Variants in MGST1 observed in about 807,000 individuals in gnomAD.
MGST1 encodes glutathione S-transferase 12.
Under a neutral mutation model 8.9 loss-of-function variants are expected in MGST1, and 5 were observed. That is an observed-to-expected ratio of 0.56 (90% CI 0.29 to 1.19). The LOEUF (loss-of-function observed/expected upper bound fraction) is 1.19, where lower values mean the gene tolerates loss of function less well. MGST1 is among the 50% of genes most tolerant of loss of function. The pLI, the probability that MGST1 is intolerant of heterozygous loss-of-function variation, is 0.08. For synonymous variants in MGST1, 54 were observed against 67.8 expected (o/e 0.80, Z 1.00); for missense variants, 182 against 187.4 (o/e 0.97, Z 0.17).
chr12:16,506,330 A>G (rs2137173778), intron 4 of MGST1, among the ~76,000 whole-genome samples: 1 of 152,278 alleles, frequency 6.6e-6, no homozygotes, highest in Middle Eastern at 3.4e-3. Flanking sequence ...GGACCTGAAT[A>G]TTTTATAATG....
chr12:16,405,936 A>G (rs770564963), intron 1 of MGST1, among the ~76,000 whole-genome samples: 6 of 152,234 alleles, frequency 3.9e-5, no homozygotes, highest in East Asian at 1.9e-4. Context: ...ATCTATGACA[A>G]ACTCACAGCC....
intron 4 of MGST1, among the ~76,000 whole-genome samples, chr12:16,515,638 A>G (rs1941608202): frequency 6.6e-6 from 1 of 151,568 alleles, no homozygotes. Flanking sequence ...CTCAGAAAAA[A>G]AAAAAAAAGA....
intron 1 of MGST1, among the ~76,000 whole-genome samples, chr12:16,431,831 C>A (rs987564553): frequency 2.0e-5 from 3 of 151,954 alleles, no homozygotes; most frequent in African/African-American, 4.8e-5. Context: ...ACAGCAACAA[C>A]AACAAACAAC....
downstream of MGST1, among the ~76,000 whole-genome samples, chr12:16,439,630 T>C (rs1565455111): frequency 6.6e-6 from 1 of 151,832 alleles, no homozygotes; most frequent in East Asian, 1.9e-4. Flanking sequence ...GGTGGAGGGG[T>C]AGAAGGTGCA....
chr12:16,560,306 C>G lies in MGST1; in HGVS notation n.483-29222C>G. 1 of 1,259,532 alleles carries G rather than the reference C, an allele frequency of 7.9e-7. No individual in the cohort carries two copies. Among genetic ancestry groups the G allele is most frequent in the Non-Finnish European group, 1.1e-6 (1 of 919,216 alleles). The allele number at this position is 1,259,532 out of a possible 1,614,324, so 78.0% of individuals were successfully genotyped here. ...TTAAAGTTTACAGAACAGAAAAACG[C>G]TGAGATTGATTGCTTTAAATGTATG... is the stretch of plus-strand genomic sequence containing the variant. On this transcript the variant is annotated intron_variant and non_coding_transcript_variant, in intron 4 of 4. Transcript: ENST00000538857. This position sits in a 1 kb window ranked among gnomAD's most constrained non-coding sequence, Gnocchi z 5.0.
Position 16,506,890 on chromosome 12 carries a change from T to G in MGST1, n.483-82638T>G, listed in dbSNP as rs552076731. 6.6e-5 allele frequency among the ~76,000 whole-genome samples: 10 copies of G among 152,346 alleles called. No individual in the cohort carries two copies. The East Asian group carries it at 1.7e-3, about 26-fold the overall frequency. ...ACAAATATGTTTTGAACAGTTACTG[T>G]TTGTCGGACAGGGTACAAACAAGAT... On this transcript the variant is annotated intron_variant and non_coding_transcript_variant, in intron 4 of 4. Transcript: ENST00000538857.
At chr12:16,435,116 C>G (rs1940972909) in intron 1 of MGST1, among the ~76,000 whole-genome samples, 1 of 151,644 alleles carries the variant, frequency 6.6e-6, no homozygotes, top group Admixed American at 6.6e-5. Context: ...GCCAATGTAC[C>G]AGGCTTTCTT....
At chr12:16,394,164 ATC>A (rs752678256) in intron 1 of MGST1, among the ~76,000 whole-genome samples, 1 of 152,256 alleles carries the variant, frequency 6.6e-6, no homozygotes, top group Non-Finnish European at 1.5e-5. Context: ...CCGTATCTTT[ATC>A]AACACTTGAT....
chr12:16,521,199 A>G (rs932383871), intron 4 of MGST1, among the ~76,000 whole-genome samples: 1 of 152,030 alleles, frequency 6.6e-6, no homozygotes, highest in Non-Finnish European at 1.5e-5. Flanking sequence ...TGAGTGACTG[A>G]GGTTCTAAGA....
chr12:16,363,578 G>T lies in MGST1; in HGVS notation c.222-217G>T. The T allele has an allele frequency of 2.9e-6, 1 of 348,484 alleles. No individual in the cohort carries two copies. Among genetic ancestry groups the T allele is most frequent in the Middle Eastern group, 7.8e-4 (1 of 1,278 alleles). The allele number at this position is 348,484 out of a possible 1,614,324, so 21.6% of individuals were successfully genotyped here. On this transcript the variant is annotated intron_variant, in intron 3 of 3. Transcript: ENST00000396210. This position sits in a 1 kb window ranked among gnomAD's most constrained non-coding sequence, Gnocchi z 4.6. ...CAAAATGCCTTCTGTGATATTTAAAGATACACTAAAAATAAAAAGAAACAG... is the reference window on the plus strand; with the variant it reads ...CAAAATGCCTTCTGTGATATTTAAATATACACTAAAAATAAAAAGAAACAG...
At chr12:16,420,292 GA>G (rs1445429477) in intron 1 of MGST1, among the ~76,000 whole-genome samples, 1 of 152,124 alleles carries the variant, frequency 6.6e-6, no homozygotes, top group Non-Finnish European at 1.5e-5. Flanking sequence ...TCTTTTGATT[GA>G]AGAAGCCAAT....
At chr12:16,590,972 A>G (rs973893080), downstream of MGST1, among the ~76,000 whole-genome samples, 3 of 152,116 alleles carry the variant, frequency 2.0e-5, no homozygotes, top group Non-Finnish European at 4.4e-5. Flanking sequence ...TAAATGAAAA[A>G]TAATCTCATT....
At chr12:16,407,853 G>A (rs1310565667) in intron 1 of MGST1, among the ~76,000 whole-genome samples, 1 of 151,886 alleles carries the variant, frequency 6.6e-6, no homozygotes, top group Admixed American at 6.6e-5. Flanking sequence ...CCAACGTGGT[G>A]AAACCCTGTC....
intron 1 of MGST1, among the ~76,000 whole-genome samples, chr12:16,385,645 C>A (rs1940498069): frequency 6.6e-6 from 1 of 151,884 alleles, no homozygotes. Context: ...TAGTTTCAGA[C>A]CTACCATCAA....
rs12581111 is a variant in MGST1, at chr12:16,510,441, A to G, written n.483-79087A>G. On this transcript the variant is annotated intron_variant and non_coding_transcript_variant, in intron 4 of 4. Transcript: ENST00000538857. ...AAACTGTTTTAAAATTTGTACAAAAATAATTATGGATGAAACAGAAAGCTA... is the reference window on the plus strand; with the variant it reads ...AAACTGTTTTAAAATTTGTACAAAAGTAATTATGGATGAAACAGAAAGCTA... Among the ~76,000 whole-genome samples the G allele has an allele frequency of 8.5e-3, 1,289 of 152,356 alleles. 49 individuals are homozygous for G. The East Asian group carries it at 0.14, about 16-fold the overall frequency.
chr12:16,461,617 C>T (rs918090), intron 4 of MGST1, among the ~76,000 whole-genome samples: 145,405 of 152,242 alleles, frequency 0.96, 69,811 homozygotes, highest in Middle Eastern at 1. Flanking sequence ...AGAAGGGGTT[C>T]GAACCCATGA....
chr12:16,382,466 C>A (rs1007981510), upstream of MGST1, among the ~76,000 whole-genome samples: 1 of 152,068 alleles, frequency 6.6e-6, no homozygotes, highest in Admixed American at 6.5e-5. Context: ...ATTGGTGAAC[C>A]GCAAATGCTG....
Position 16,401,923 on chromosome 12 carries a change from C to G in MGST1, n.778+18319C>G, listed in dbSNP as rs562405917. ...CTTACAGCGACTGTATATGCCACAA[C>G]TGCACTGATATCTATTTTGTCAAAG... On this transcript the variant is annotated intron_variant and non_coding_transcript_variant, in intron 1 of 1. Transcript: ENST00000359720. The surrounding 1 kb of genome is among the most constrained non-coding windows in gnomAD (Gnocchi z 4.3). The G allele has an allele frequency of 5.6e-6, 9 of 1,608,472 alleles. No homozygotes were observed. The East Asian group carries it at 1.8e-4, about 32-fold the overall frequency.
intron 3 of MGST1, among the ~76,000 whole-genome samples, chr12:16,373,413 G>T (rs1275151783): frequency 6.6e-6 from 1 of 151,844 alleles, no homozygotes; most frequent in Non-Finnish European, 1.5e-5. Context: ...CAATTGGAGT[G>T]TTCCTAACAC....
Sources: allele counts gnomAD v4.1 joint callset (sites outside exome capture counted in the v4.1 genomes callset), GRCh38; gene constraint gnomAD v4.1.1; non-coding constraint Gnocchi (gnomAD v3.1); transcripts MANE v1.5; gene names NCBI Gene and HGNC (gene_info 2026-07-23, HGNC 2026-07-21).